KLHL7: variants seen among roughly 807,000 people sequenced by gnomAD.
The protein encoded by KLHL7 is kelch like family member 7.
A neutral mutation model predicts 67.4 loss-of-function variants in KLHL7; 44 were observed. The observed-to-expected ratio is 0.65, with a 90% CI of 0.51 to 0.84. KLHL7 has a LOEUF of 0.84. Among genes scored for constraint, KLHL7 ranks in the 40% least tolerant of loss-of-function variants. KLHL7 has a pLI of 0.00. For missense variants in KLHL7, 362 were observed against 718.1 expected (o/e 0.50, Z 5.67); for synonymous variants, 252 against 243.3 (o/e 1.04, Z -0.33).
intron 1 of KLHL7, among the ~76,000 whole-genome samples, chr7:23,106,966 G>A (rs1243640254): frequency 1.3e-5 from 2 of 151,992 alleles, no homozygotes; most frequent in African/African-American, 4.8e-5. Context: ...GAATGTTTGG[G>A]TTTTGTTGAC....
At chr7:23,167,125 G>A (rs975258220) in intron 8 of KLHL7, among the ~76,000 whole-genome samples, 7 of 150,320 alleles carry the variant, frequency 4.7e-5, no homozygotes, top group African/African-American at 1.7e-4. Flanking sequence ...AAAATTTTTT[G>A]TCCTTGGGAA....
intron 4 of KLHL7, 117 bp from the exon 5 acceptor site, chr7:23,140,652 G>A: frequency 1.2e-6 from 1 of 812,452 alleles, no homozygotes; most frequent in Non-Finnish European, 2.1e-6. Context: ...AACAGAAACG[G>A]ATCCAGATTT....
At chr7:23,136,071 A>G (rs75691193) in intron 4 of KLHL7, among the ~76,000 whole-genome samples, 2 of 152,188 alleles carry the variant, frequency 1.3e-5, no homozygotes, top group African/African-American at 4.8e-5. Flanking sequence ...CATGAGAAGA[A>G]GGCTAGAGAC....
At chr7:23,139,353 G>C (rs1784100615) in intron 4 of KLHL7, among the ~76,000 whole-genome samples, 1 of 152,200 alleles carries the variant, frequency 6.6e-6, no homozygotes, top group Admixed American at 6.5e-5. Context: ...ATGCTAACAA[G>C]CTGTAGGAGA....
chr7:23,161,042 G>C (rs1216294553), intron 7 of KLHL7, among the ~76,000 whole-genome samples: 1 of 152,096 alleles, frequency 6.6e-6, no homozygotes, highest in Admixed American at 6.5e-5. Context: ...CACTAGTATA[G>C]GCTTCTGCTG....
chr7:23,167,687 T>G (rs1325015722), intron 8 of KLHL7, 149 bp from the exon 9 acceptor site: 2 of 691,872 alleles, frequency 2.9e-6, no homozygotes, highest in East Asian at 5.4e-5. Context: ...TCTTAAACTA[T>G]TCCTACACTT....
intron 7 of KLHL7, among the ~76,000 whole-genome samples, chr7:23,157,815 T>G (rs1431674905): frequency 6.6e-6 from 1 of 152,188 alleles, no homozygotes; most frequent in Non-Finnish European, 1.5e-5. Context: ...GACATCAAAC[T>G]CATTCTCCAT....
In KLHL7 at chr7:23,166,599, G is replaced by A. The variant is rs936624478; in HGVS notation, c.1177+661G>A. Among the ~76,000 whole-genome samples, 74 of 152,080 alleles carry A rather than the reference G, an allele frequency of 4.9e-4. 2 individuals carry two copies. The highest frequency in any genetic ancestry group is 1.5e-5 in the Non-Finnish European group (1 of 67,976). The stretch of plus-strand genomic sequence containing the variant: ...AATAATGGGCTAATAAAGAAAACTA[G>A]GGAGACCGTAAATGGTTATACTTTT... On this transcript the variant is annotated intron_variant, in intron 8 of 10. Coordinates refer to ENST00000339077, the MANE Select transcript of KLHL7 (RefSeq NM_001031710.3).
At chr7:23,123,113 T>A (rs1783417845) in intron 1 of KLHL7, among the ~76,000 whole-genome samples, 1 of 152,252 alleles carries the variant, frequency 6.6e-6, no homozygotes, top group South Asian at 2.1e-4. Flanking sequence ...CTGCCTTCTT[T>A]AAGCAGCTTA....
chr7:23,166,089 C>T (rs1427274621), intron 8 of KLHL7, 151 bp downstream of exon 8: 13 of 929,822 alleles, frequency 1.4e-5, no homozygotes, highest in Admixed American at 2.3e-5. Flanking sequence ...GCTCATCTCC[C>T]TGAAGGTTTA....
intron 1 of KLHL7, 98 bp downstream of exon 1, chr7:23,106,244 C>G (rs1393554153): frequency 6.5e-7 from 1 of 1,550,258 alleles, no homozygotes; most frequent in African/African-American, 1.4e-5. Flanking sequence ...TGGATCGCGC[C>G]CCTCTTTCTC....
rs1010043041 is a variant in KLHL7 at position 23,166,158 on chromosome 7, A to AT, written c.1177+228dup. On this transcript the variant is annotated intron_variant, in intron 8 of 10. Transcript: ENST00000339077. Reference sequence around the variant, plus strand: ...CTTTAGCTTCCTAGATTAATGGCCCATTTTTTTTATCATAATGAAGCATTA... The same window carrying AT: ...CTTTAGCTTCCTAGATTAATGGCCCATTTTTTTTTATCATAATGAAGCATTA... Among the ~76,000 whole-genome samples the AT allele has an allele frequency of 5.0e-4, 76 of 152,010 alleles. No homozygotes were observed. In the Middle Eastern group the frequency reaches 0.01, roughly 20 times the overall value.
intron 8 of KLHL7, among the ~76,000 whole-genome samples, chr7:23,167,345 A>G (rs1785030699): frequency 6.6e-6 from 1 of 152,192 alleles, no homozygotes; most frequent in Non-Finnish European, 1.5e-5. Context: ...CTAACTGAGA[A>G]TAGTTAGGAA....
intron 7 of KLHL7, among the ~76,000 whole-genome samples, chr7:23,153,888 C>G (rs1464850396): frequency 6.6e-6 from 1 of 152,196 alleles, no homozygotes; most frequent in Non-Finnish European, 1.5e-5. Context: ...AGCAAGCTGT[C>G]CATTTTCAAG....
intron 2 of KLHL7, among the ~76,000 whole-genome samples, chr7:23,124,109 C>A (rs1783462854): frequency 7.2e-6 from 1 of 138,546 alleles, no homozygotes; most frequent in Non-Finnish European, 1.5e-5. Flanking sequence ...TACTTAAAAG[C>A]CCAGGGTTGA....
chr7:23,110,861 C>T (rs1422157456), intron 1 of KLHL7, among the ~76,000 whole-genome samples: 2 of 147,040 alleles, frequency 1.4e-5, no homozygotes, highest in African/African-American at 2.5e-5. Context: ...TGAGAACATG[C>T]GGTTCACTAC....
At chr7:23,148,059 C>G (rs1784414313) in intron 6 of KLHL7, among the ~76,000 whole-genome samples, 1 of 152,160 alleles carries the variant, frequency 6.6e-6, no homozygotes, top group South Asian at 2.1e-4. Flanking sequence ...AAAACAATTT[C>G]TAGGTTTCCA....
intron 7 of KLHL7, among the ~76,000 whole-genome samples, chr7:23,154,870 A>T (rs551727211): frequency 2.6e-5 from 4 of 152,266 alleles, no homozygotes; most frequent in African/African-American, 7.2e-5. Context: ...TCTTGTAACA[A>T]AGTTACCAGT....
At chr7:23,138,676 T>C (rs1784072787) in intron 4 of KLHL7, among the ~76,000 whole-genome samples, 1 of 151,584 alleles carries the variant, frequency 6.6e-6, no homozygotes, top group South Asian at 2.1e-4. Flanking sequence ...TAGCTGGGAT[T>C]ATAGATGCGC....
Sources: allele counts gnomAD v4.1 joint callset (sites outside exome capture counted in the v4.1 genomes callset), GRCh38; gene constraint gnomAD v4.1.1; transcripts MANE v1.5; gene names NCBI Gene and HGNC (gene_info 2026-07-23, HGNC 2026-07-21).